SCLT1: variants seen among roughly 807,000 people sequenced by gnomAD.
The protein encoded by SCLT1 is sodium channel and clathrin linker 1.
SCLT1 carries 78 observed loss-of-function variants against 112.8 expected under a neutral mutation model. The observed-to-expected ratio is 0.69, with a 90% CI of 0.58 to 0.83. SCLT1 has a LOEUF of 0.83. Ranked by LOEUF, SCLT1 falls within the 40% of genes least tolerant of loss-of-function variation. SCLT1 has a pLI of 0.00. For synonymous variants in SCLT1, 257 were observed against 254.7 expected (o/e 1.01, Z -0.09); for missense variants, 747 against 770.4 (o/e 0.97, Z 0.36).
chr4:129,002,604 C>G (rs951176243), intron 6 of SCLT1, among the ~76,000 whole-genome samples: 1 of 151,724 alleles, frequency 6.6e-6, no homozygotes, highest in Non-Finnish European at 1.5e-5. Context: ...AAAAACAAAC[C>G]CATCAAGAAG....
chr4:128,898,305 G>C (rs1226401946), intron 18 of SCLT1, among the ~76,000 whole-genome samples: 2 of 152,194 alleles, frequency 1.3e-5, no homozygotes, highest in Non-Finnish European at 2.9e-5. Context: ...TAAAAGAGCA[G>C]AAATTATAAC....
chr4:129,028,923 A>G lies in SCLT1; in HGVS notation c.290+10118T>C, dbSNP rs547732904. Among the ~76,000 whole-genome samples, 3 of 152,354 alleles carry G rather than the reference A, an allele frequency of 2.0e-5. No homozygotes were observed. In the East Asian group the frequency reaches 5.8e-4, roughly 29 times the overall value. On this transcript the variant is annotated intron_variant, in intron 5 of 20. Coordinates refer to ENST00000281142, the MANE Select transcript of SCLT1 (RefSeq NM_144643.4). ...TTTATGCAGCCAAAAAGCATGTGAA[A>G]AAACGCTCACCATCACTGGCAATCA...
intron 13 of SCLT1, 89 bp downstream of exon 13, chr4:128,956,937 T>C (rs750338286): frequency 1.4e-5 from 10 of 711,200 alleles, no homozygotes; most frequent in Non-Finnish European, 1.9e-5. Context: ...AGGCAAGTAT[T>C]TTAATTTTAA....
intron 2 of SCLT1, among the ~76,000 whole-genome samples, chr4:129,079,856 T>C (rs543025271): frequency 4.6e-5 from 7 of 152,308 alleles, no homozygotes; most frequent in African/African-American, 1.4e-4. Context: ...TTTCCATATA[T>C]CCTCTGAAAT....
chr4:129,059,021 C>A (rs1261149124), intron 2 of SCLT1, among the ~76,000 whole-genome samples: 4 of 152,078 alleles, frequency 2.6e-5, no homozygotes, highest in Non-Finnish European at 4.4e-5. Context: ...TAATTGAATT[C>A]ATCATTATAC....
At chr4:129,062,221 A>G (rs1416623297) in intron 2 of SCLT1, among the ~76,000 whole-genome samples, 6 of 151,862 alleles carry the variant, frequency 4.0e-5, no homozygotes, top group Admixed American at 2.0e-4. Context: ...CATTTTCTAC[A>G]TGGCCATTTT....
intron 18 of SCLT1, among the ~76,000 whole-genome samples, chr4:128,910,839 AT>A (rs1348566148): frequency 2.0e-5 from 3 of 151,218 alleles, no homozygotes; most frequent in South Asian, 2.1e-4. Flanking sequence ...CTGATTTTAT[AT>A]TTTTTTTTCT....
intron 18 of SCLT1, among the ~76,000 whole-genome samples, chr4:128,896,515 C>T (rs1477094472): frequency 6.6e-6 from 1 of 152,108 alleles, no homozygotes; most frequent in Non-Finnish European, 1.5e-5. Context: ...ACACCAAAAC[C>T]CCATCTGCAC....
At chr4:128,892,585 G>A (rs1252822761) in intron 18 of SCLT1, among the ~76,000 whole-genome samples, 1 of 152,158 alleles carries the variant, frequency 6.6e-6, no homozygotes, top group Non-Finnish European at 1.5e-5. Flanking sequence ...CTATAGTTGA[G>A]TGAATAGTTG....
chr4:129,002,167 A>G (rs1560949020), intron 6 of SCLT1, among the ~76,000 whole-genome samples: 1 of 152,066 alleles, frequency 6.6e-6, no homozygotes, highest in African/African-American at 2.4e-5. Flanking sequence ...TGTAATTTAG[A>G]ATTTGTAGCC....
Position 128,963,710 on chromosome 4 carries a change from C to T in SCLT1, c.869+1517G>A, listed in dbSNP as rs143086335. ...AAACATACAAAAATTATTAAAACTTCATTTCACTTCTTTTCTTCTCAAATC... is the reference window on the plus strand; with the variant it reads ...AAACATACAAAAATTATTAAAACTTTATTTCACTTCTTTTCTTCTCAAATC... On this transcript the variant is annotated intron_variant, in intron 11 of 20. Transcript: ENST00000281142. Among the ~76,000 whole-genome samples, 78 of 152,226 alleles carry T rather than the reference C, an allele frequency of 5.1e-4. 1 individual carries two copies. Among genetic ancestry groups the T allele is most frequent in the Admixed American group, 5.0e-3 (77 of 15,284 alleles).
At chr4:128,969,374 C>T (rs1740481611) in intron 10 of SCLT1, among the ~76,000 whole-genome samples, 1 of 152,082 alleles carries the variant, frequency 6.6e-6, no homozygotes, top group African/African-American at 2.4e-5. Flanking sequence ...AAACTGAGAT[C>T]ATCCTGGCTA....
intron 2 of SCLT1, among the ~76,000 whole-genome samples, chr4:129,050,480 T>C (rs1302355114): frequency 6.6e-6 from 1 of 152,250 alleles, no homozygotes; most frequent in Admixed American, 6.5e-5. Context: ...ATTTCTCTAA[T>C]GACCAGTGAC....
chr4:128,889,525 G>C (rs1733149724), intron 19 of SCLT1, among the ~76,000 whole-genome samples: 1 of 152,128 alleles, frequency 6.6e-6, no homozygotes, highest in African/African-American at 2.4e-5. Flanking sequence ...CTCAATTTTG[G>C]ACTTCTAGCC....
At chr4:129,065,032 C>A (rs1169171055) in intron 2 of SCLT1, among the ~76,000 whole-genome samples, 1 of 151,794 alleles carries the variant, frequency 6.6e-6, no homozygotes, top group Non-Finnish European at 1.5e-5. Flanking sequence ...TTATTTTTTT[C>A]TTTGCTTATT....
chr4:129,034,778 G>A (rs80249020), intron 5 of SCLT1, among the ~76,000 whole-genome samples: 1 of 151,074 alleles, frequency 6.6e-6, no homozygotes, highest in African/African-American at 2.5e-5. Context: ...TCTCTGTCAC[G>A]ACTATTCAAC....
chr4:128,926,048 C>G (rs1560847781), intron 18 of SCLT1, among the ~76,000 whole-genome samples: 1 of 151,248 alleles, frequency 6.6e-6, no homozygotes. Context: ...ATAATTTTAT[C>G]CCCTCTCATT....
intron 18 of SCLT1, among the ~76,000 whole-genome samples, chr4:128,900,370 C>T (rs920497651): frequency 4.1e-4 from 62 of 152,228 alleles, no homozygotes; most frequent in Non-Finnish European, 6.9e-4. Context: ...AGAAATAATG[C>T]CACATATCTA....
intron 18 of SCLT1, among the ~76,000 whole-genome samples, chr4:128,896,272 C>A (rs1733750695): frequency 6.6e-6 from 1 of 152,194 alleles, no homozygotes; most frequent in East Asian, 1.9e-4. Flanking sequence ...AGTAGCCTAA[C>A]TGGGAGGTAC....
Sources: gnomAD v4.1 joint callset for allele counts (sites outside exome capture counted in the v4.1 genomes callset) on GRCh38, gnomAD v4.1.1 for gene constraint, MANE v1.5 for transcripts, NCBI Gene and HGNC (gene_info 2026-07-23, HGNC 2026-07-21) for gene names.